SCML4: variants seen among roughly 807,000 people sequenced by gnomAD.
The protein encoded by SCML4 is sex comb on midleg-like protein 4.
In SCML4, 34 loss-of-function variants were observed where a neutral mutation model predicts 41.1. The ratio of observed to expected loss-of-function variants is 0.83; its 90% CI spans 0.63 to 1.10. The LOEUF is 1.10. SCML4 is among the 50% of genes least tolerant of loss of function. SCML4 has a pLI of 0.00. For synonymous variants in SCML4, 214 were observed against 220.9 expected (o/e 0.97, Z 0.28); for missense variants, 522 against 534.1 (o/e 0.98, Z 0.22).
intron 1 of SCML4, among the ~76,000 whole-genome samples, chr6:107,808,917 T>TG (rs1194198851): frequency 1.3e-5 from 2 of 152,190 alleles, no homozygotes; most frequent in Admixed American, 1.3e-4. Flanking sequence ...GTGTGAGCAA[T>TG]GGAATCTATC....
chr6:107,754,156 A>G (rs1369461512), intron 2 of SCML4, among the ~76,000 whole-genome samples: 1 of 152,242 alleles, frequency 6.6e-6, no homozygotes, highest in Non-Finnish European at 1.5e-5. Context: ...ACAGTGCTAA[A>G]TGGGTGCTGA....
At chr6:107,734,698 C>T (rs1239034724) in intron 5 of SCML4, among the ~76,000 whole-genome samples, 2 of 152,072 alleles carry the variant, frequency 1.3e-5, no homozygotes, top group African/African-American at 2.4e-5. Context: ...AATGAATTTA[C>T]ATAGGCACAT....
intron 1 of SCML4, among the ~76,000 whole-genome samples, chr6:107,810,227 C>G (rs1026247423): frequency 2.6e-5 from 4 of 152,148 alleles, no homozygotes; most frequent in Non-Finnish European, 4.4e-5. Context: ...CTCTGGCCCT[C>G]CCCACACTGC....
At chr6:107,813,283 A>G (rs1228542686) in intron 1 of SCML4, among the ~76,000 whole-genome samples, 1 of 149,800 alleles carries the variant, frequency 6.7e-6, no homozygotes, top group Non-Finnish European at 1.5e-5. Flanking sequence ...GGATGGCTTG[A>G]GCCTGGGAGG....
At chr6:107,718,208 T>A (rs7757757) in intron 6 of SCML4, among the ~76,000 whole-genome samples, 1 of 151,970 alleles carries the variant, frequency 6.6e-6, no homozygotes, top group East Asian at 1.9e-4. Flanking sequence ...ATGGAGCCAG[T>A]TGGAGATAAT....
At chr6:107,804,067 G>A (rs201911241) in intron 1 of SCML4, among the ~76,000 whole-genome samples, 26 of 127,320 alleles carry the variant, frequency 2.0e-4, no homozygotes, top group South Asian at 4.9e-4. Context: ...AAAAGAAAAA[G>A]AAAAAAAAAA....
chr6:107,821,105 T>G (rs571467416), intron 1 of SCML4, among the ~76,000 whole-genome samples: 1 of 152,298 alleles, frequency 6.6e-6, no homozygotes, highest in Non-Finnish European at 1.5e-5. Context: ...AACTGCTAAT[T>G]CCAGAGAAAG....
chr6:107,719,058 A>G (rs1418357364), intron 6 of SCML4: 1 of 152,250 alleles, frequency 6.6e-6, no homozygotes, highest in East Asian at 1.9e-4. Context: ...GGTTTACTTT[A>G]CAGTGTTGGT....
the SCML4 span, among the ~76,000 whole-genome samples, chr6:107,845,017 T>C: frequency 1.3e-5 from 2 of 151,146 alleles, no homozygotes; most frequent in Non-Finnish European, 2.9e-5. Context: ...AGGCAGATCA[T>C]TTGAGGTCAG....
chr6:107,835,763 C>CAAAAAAAA, the SCML4 span, among the ~76,000 whole-genome samples: 1 of 86,368 alleles, frequency 1.2e-5, no homozygotes, highest in Admixed American at 1.5e-4. Context: ...GACCCCATCT[C>CAAAAAAAA]AAAAAAAAAA....
In SCML4 at chr6:107,817,728, T is replaced by C. The variant is rs192621131; in HGVS notation, c.-60+6398A>G. Among the ~76,000 whole-genome samples, 8 of 151,044 alleles carry C rather than the reference T, an allele frequency of 5.3e-5. No homozygotes were observed. In the East Asian group the frequency reaches 1.6e-3, roughly 30 times the overall value. ...TCTTCTTTACTGGGTTCATGCCAAATGACTTCTAACTAAAAGAGAGGGCCC... is the reference window on the plus strand; with the variant it reads ...TCTTCTTTACTGGGTTCATGCCAAACGACTTCTAACTAAAAGAGAGGGCCC... On this transcript the variant is annotated intron_variant, in intron 1 of 7. Transcript: ENST00000369020.
intron 1 of SCML4, among the ~76,000 whole-genome samples, chr6:107,793,377 A>T (rs1331812792): frequency 6.6e-6 from 1 of 152,236 alleles, no homozygotes; most frequent in Non-Finnish European, 1.5e-5. Context: ...ACAGACAGGA[A>T]GCCCCTGCAT....
intron 1 of SCML4, among the ~76,000 whole-genome samples, chr6:107,803,511 G>GAGCC (rs1175120664): frequency 6.7e-6 from 1 of 149,980 alleles, no homozygotes; most frequent in Non-Finnish European, 1.5e-5. Flanking sequence ...GGGAAGTGAG[G>GAGCC]AGCCCCTCTG....
chr6:107,842,875 C>A, the SCML4 span, among the ~76,000 whole-genome samples: 2 of 151,790 alleles, frequency 1.3e-5, no homozygotes, highest in Non-Finnish European at 2.9e-5. Context: ...GAGAGTTGAC[C>A]GTTTTCTTAT....
At chr6:107,807,830 C>T (rs893025276) in intron 1 of SCML4, among the ~76,000 whole-genome samples, 1 of 152,246 alleles carries the variant, frequency 6.6e-6, no homozygotes, top group Non-Finnish European at 1.5e-5. Context: ...GGGCTATGTT[C>T]TCTCAAACTG....
intron 5 of SCML4, among the ~76,000 whole-genome samples, chr6:107,743,229 C>T (rs1232827251): frequency 1.3e-5 from 2 of 152,104 alleles, no homozygotes; most frequent in African/African-American, 4.8e-5. Flanking sequence ...CAATTATCAC[C>T]CTGACCTGGA....
intron 5 of SCML4, among the ~76,000 whole-genome samples, chr6:107,729,234 T>C (rs1776295142): frequency 6.6e-6 from 1 of 152,190 alleles, no homozygotes; most frequent in South Asian, 2.1e-4. Context: ...GAAATCAAGG[T>C]GTCCACAGGG....
At chr6:107,750,811 A>G (rs1243988815) in intron 2 of SCML4, among the ~76,000 whole-genome samples, 1 of 152,206 alleles carries the variant, frequency 6.6e-6, no homozygotes, top group East Asian at 1.9e-4. Flanking sequence ...CTGCATTTCT[A>G]TGAGCTCCCA....
intron 5 of SCML4, among the ~76,000 whole-genome samples, chr6:107,734,535 T>C (rs1484018619): frequency 6.6e-6 from 1 of 152,208 alleles, no homozygotes; most frequent in Non-Finnish European, 1.5e-5. Flanking sequence ...TAATAGAGAA[T>C]CCATTTTAAA....
Sources: allele counts gnomAD v4.1 joint callset (sites outside exome capture counted in the v4.1 genomes callset), GRCh38; gene constraint gnomAD v4.1.1; transcripts MANE v1.5; gene names NCBI Gene and HGNC (gene_info 2026-07-23, HGNC 2026-07-21).